SSBP3: variants seen among roughly 807,000 people sequenced by gnomAD.
SSBP3 encodes single stranded DNA binding protein 3, also known as single-stranded DNA-binding protein 3.
SSBP3 carries 5 observed loss-of-function variants against 69.6 expected under a neutral mutation model. The observed-to-expected ratio is 0.07, with a 90% CI of 0.04 to 0.15. The LOEUF (loss-of-function observed/expected upper bound fraction) is 0.15. Among genes scored for constraint, SSBP3 ranks in the 10% least tolerant of loss-of-function variants. The pLI is 1.00. For synonymous variants in SSBP3, 196 were observed against 193.4 expected (o/e 1.01, Z -0.11); for missense variants, 312 against 534.0 (o/e 0.58, Z 4.10).
rs537850772 is a variant in SSBP3 at position 54,296,948 on chromosome 1, G to T, written c.277-15421C>A. On this transcript the variant is annotated intron_variant, in intron 4 of 17. Coordinates refer to ENST00000610401, the Ensembl canonical transcript of SSBP3. Reference sequence around the variant, plus strand: ...AAGACTCTATGTAGGCACCAAAGGAGGCTGATCTCACTTAATCCTCCCAAC... The same window carrying T: ...AAGACTCTATGTAGGCACCAAAGGATGCTGATCTCACTTAATCCTCCCAAC... 2.6e-5 allele frequency among the ~76,000 whole-genome samples: 4 copies of T among 152,258 alleles called. No individual in the cohort carries two copies. In the East Asian group the frequency reaches 7.7e-4, roughly 29 times the overall value.
At chr1:54,407,036 GGCGGCTCGAGCCGGCGCCGAGGCGC>G (rs1429616931), upstream of SSBP3, among the ~76,000 whole-genome samples, 2 of 152,060 alleles carry the variant, frequency 1.3e-5, no homozygotes, top group Admixed American at 6.5e-5. Flanking sequence ...CTGAGAGCTG[GGCGGCTCGAGCCGGCGCCGAGGCGC>G]GCGGCTGCTC....
intron 4 of SSBP3, among the ~76,000 whole-genome samples, chr1:54,328,973 T>C (rs1473995568): frequency 1.3e-5 from 2 of 152,174 alleles, no homozygotes; most frequent in Non-Finnish European, 1.5e-5. Flanking sequence ...CTCTGGCTAG[T>C]GGGTTTTTGT....
chr1:54,360,477 C>T lies in SSBP3; in HGVS notation c.276+41384G>A, dbSNP rs149018508. The stretch of plus-strand genomic sequence containing the variant: ...TCTCTTCTCAACTACAGAATAACAG[C>T]GCTGGAAGGGGCTCAGGGGTCCCCA... On this transcript the variant is annotated intron_variant, in intron 4 of 17. Transcript: ENST00000610401. Among the ~76,000 whole-genome samples, 201 of 152,256 alleles carry T rather than the reference C, an allele frequency of 1.3e-3. 1 individual carries two copies. The highest frequency in any genetic ancestry group is 4.1e-3 in the African/African-American group (171 of 41,538).
chr1:54,366,295 C>T lies in SSBP3; in HGVS notation c.276+35566G>A, dbSNP rs1292750983. On this transcript the variant is annotated intron_variant, in intron 4 of 17. Transcript: ENST00000610401. ...TCCTGCAGCATGGAGGCGGAGTCCC[C>T]AGTCCCTTTCCTGAGTACCTGGTAC... Among the ~76,000 whole-genome samples, 3 of 152,144 alleles carry T rather than the reference C, an allele frequency of 2.0e-5. No homozygotes were observed. In the South Asian group the frequency reaches 6.2e-4, roughly 32 times the overall value.
At chr1:54,377,092 T>C (rs966569137) in intron 4 of SSBP3, among the ~76,000 whole-genome samples, 16 of 152,056 alleles carry the variant, frequency 1.1e-4, no homozygotes. Flanking sequence ...AACATTCCAC[T>C]CCGGAAATGC....
At chr1:54,409,053 A>G (rs1231987665), upstream of SSBP3, among the ~76,000 whole-genome samples, 1 of 152,184 alleles carries the variant, frequency 6.6e-6, no homozygotes, top group Non-Finnish European at 1.5e-5. Flanking sequence ...GGCTGCTGGC[A>G]CAATTATCCA....
chr1:54,347,303 T>C lies in SSBP3; in HGVS notation c.276+54558A>G, dbSNP rs545947084. On this transcript the variant is annotated intron_variant, in intron 4 of 17. Coordinates refer to ENST00000610401, the Ensembl canonical transcript of SSBP3. ...CTTTAAATCATCTCTGGGTTACTTATAATATCTAATACAATATAAATACTA... is the reference window on the plus strand; with the variant it reads ...CTTTAAATCATCTCTGGGTTACTTACAATATCTAATACAATATAAATACTA... 1.8e-4 allele frequency among the ~76,000 whole-genome samples: 27 copies of C among 151,820 alleles called. No individual in the cohort carries two copies. The South Asian group carries it at 5.4e-3, about 30-fold the overall frequency.
At chr1:54,273,688 C>G (rs898436903) in intron 5 of SSBP3, among the ~76,000 whole-genome samples, 1 of 152,226 alleles carries the variant, frequency 6.6e-6, no homozygotes, top group African/African-American at 2.4e-5. Context: ...CCAGCACCCC[C>G]CACTGGACAG....
intron 4 of SSBP3, among the ~76,000 whole-genome samples, chr1:54,354,121 G>T (rs934997738): frequency 2.0e-5 from 3 of 152,202 alleles, no homozygotes; most frequent in African/African-American, 7.2e-5. Context: ...TCTGCAACCT[G>T]ATCTTATCTA....
chr1:54,299,476 G>A (rs1645762060), intron 4 of SSBP3, among the ~76,000 whole-genome samples: 1 of 149,322 alleles, frequency 6.7e-6, no homozygotes, highest in African/African-American at 2.5e-5. Context: ...ACTCCACCAC[G>A]CTGTCGATAA....
intron 4 of SSBP3, among the ~76,000 whole-genome samples, chr1:54,339,381 G>A (rs998551389): frequency 6.6e-6 from 1 of 152,194 alleles, no homozygotes; most frequent in Non-Finnish European, 1.5e-5. Context: ...GGTTAGAAGC[G>A]TGAGCTCTGA....
intron 4 of SSBP3, among the ~76,000 whole-genome samples, chr1:54,283,013 C>T (rs1335482873): frequency 2.0e-5 from 3 of 152,292 alleles, no homozygotes; most frequent in South Asian, 2.1e-4. Flanking sequence ...ACTCCTGTAA[C>T]CCCGACACTT....
chr1:54,383,174 G>A (rs1283496369), intron 4 of SSBP3, among the ~76,000 whole-genome samples: 1 of 151,666 alleles, frequency 6.6e-6, no homozygotes, highest in Non-Finnish European at 1.5e-5. Flanking sequence ...AGGAGTTTGA[G>A]ACCGGCCTGG....
intron 4 of SSBP3, among the ~76,000 whole-genome samples, chr1:54,395,010 C>CTTTTT (rs772634375): frequency 1.4e-5 from 2 of 144,918 alleles, no homozygotes; most frequent in Non-Finnish European, 1.5e-5. Context: ...GCTAAGACTC[C>CTTTTT]TTTTTTTTTT....
At chr1:54,271,710 CTCTT>C (rs1331536732) in intron 5 of SSBP3, among the ~76,000 whole-genome samples, 1 of 152,206 alleles carries the variant, frequency 6.6e-6, no homozygotes, top group African/African-American at 2.4e-5. Context: ...TGTCCCCAGT[CTCTT>C]TCCCACCATT....
chr1:54,316,660 T>TAA (rs1329947274), intron 4 of SSBP3, among the ~76,000 whole-genome samples: 636 of 27,582 alleles, frequency 0.023, 67 homozygotes, highest in African/African-American at 0.069. Context: ...AAAAAAAAAA[T>TAA]AAAATAAATA....
At chr1:54,331,721 A>G (rs965445659) in intron 4 of SSBP3, among the ~76,000 whole-genome samples, 2 of 152,226 alleles carry the variant, frequency 1.3e-5, no homozygotes, top group Non-Finnish European at 2.9e-5. Flanking sequence ...TGGTCACCAA[A>G]AAGGAAGAGC....
exon 1 of SSBP3, chr1:54,406,178 G>C: frequency 2.0e-6 from 1 of 488,436 alleles, no homozygotes; most frequent in Non-Finnish European, 3.5e-6. Context: ...CCCAGGCGCT[G>C]GCTCCGCGCT....
At chr1:54,228,355 T>C (rs1644322861) in exon 17 of SSBP3, 4 of 1,613,946 alleles carry the variant, frequency 2.5e-6, no homozygotes, top group Non-Finnish European at 3.4e-6. Context: ...GTTAGGAGAA[T>C]TCTGTGGAAA....
Sources: allele counts gnomAD v4.1 joint callset (sites outside exome capture counted in the v4.1 genomes callset), GRCh38; gene constraint gnomAD v4.1.1; transcripts MANE v1.5; gene names NCBI Gene and HGNC (gene_info 2026-07-23, HGNC 2026-07-21).